Variants in SLC16A2 observed in about 807,000 individuals in gnomAD.
The protein encoded by SLC16A2 is monocarboxylate transporter 8.
In SLC16A2, 3 loss-of-function variants were observed where a neutral mutation model predicts 27.2. That is an observed-to-expected ratio of 0.11 (90% confidence interval 0.05 to 0.28). The LOEUF (loss-of-function observed/expected upper bound fraction) is 0.28. SLC16A2 is among the 10% of genes least tolerant of loss of function. The pLI is 1.00. For missense variants in SLC16A2, 295 were observed against 458.5 expected (o/e 0.64, Z 3.26); for synonymous variants, 202 against 187.8 (o/e 1.08, Z -0.62).
chrX:74,483,098 A>G (rs757523994), intron 1 of SLC16A2, among the ~76,000 whole-genome samples: 62 of 111,121 alleles, frequency 5.6e-4, no homozygotes, highest in Non-Finnish European at 9.1e-4. Context: ...GCCTAGTTCA[A>G]TGAAGCCTAT....
chrX:74,486,732 T>G (rs1008406271), intron 1 of SLC16A2, among the ~76,000 whole-genome samples: 8 of 112,377 alleles, frequency 7.1e-5, no homozygotes, highest in African/African-American at 2.6e-4. Context: ...ACCCCATTAC[T>G]GGGTATATAC....
intron 1 of SLC16A2, among the ~76,000 whole-genome samples, chrX:74,513,126 A>G (rs775916839): frequency 1.7e-4 from 19 of 112,129 alleles, no homozygotes; most frequent in Non-Finnish European, 3.4e-4. Context: ...TCAAAATCCA[A>G]GGATCTGTTG....
At chrX:74,428,407 C>A (rs112931797) in intron 1 of SLC16A2, among the ~76,000 whole-genome samples, 1 of 111,427 alleles carries the variant, frequency 9.0e-6, no homozygotes, top group South Asian at 3.8e-4. Flanking sequence ...ATTGGCTGTC[C>A]CAATCACATA....
At chrX:74,488,046 A>G (rs1222204568) in intron 1 of SLC16A2, among the ~76,000 whole-genome samples, 1 of 111,727 alleles carries the variant, frequency 9.0e-6, no homozygotes, top group Non-Finnish European at 1.9e-5. Flanking sequence ...TACTGGAGAG[A>G]GTTGAGATTA....
intron 1 of SLC16A2, among the ~76,000 whole-genome samples, chrX:74,464,513 A>T (rs1929215240): frequency 8.9e-6 from 1 of 112,110 alleles, no homozygotes; most frequent in Non-Finnish European, 1.9e-5. Flanking sequence ...TAAGACTTGT[A>T]TAAGGAGTTT....
chrX:74,498,379 T>A (rs1217380215), intron 1 of SLC16A2, among the ~76,000 whole-genome samples: 1 of 97,709 alleles, frequency 1.0e-5, no homozygotes, highest in Non-Finnish European at 2.2e-5. Context: ...GACTCAAGAC[T>A]CATGACCCAA....
At chrX:74,493,785 T>A (rs894412572) in intron 1 of SLC16A2, among the ~76,000 whole-genome samples, 2 of 111,390 alleles carry the variant, frequency 1.8e-5, no homozygotes, top group African/African-American at 6.5e-5. Context: ...GGTGCGTGCA[T>A]TCCCTCTCTG....
chrX:74,509,624 C>T (rs1400807397), intron 1 of SLC16A2, among the ~76,000 whole-genome samples: 19 of 111,052 alleles, frequency 1.7e-4, no homozygotes, highest in Admixed American at 1.0e-3. Flanking sequence ...AGTGCAGCGG[C>T]GCAATCTCGG....
chrX:74,461,266 CCTT>C (rs1410406302), intron 1 of SLC16A2, among the ~76,000 whole-genome samples: 2 of 111,809 alleles, frequency 1.8e-5, no homozygotes, highest in African/African-American at 6.5e-5. Context: ...CTCTCTGTAA[CCTT>C]CTCTTTCTGA....
chrX:74,429,197 G>C (rs753497895), intron 1 of SLC16A2, among the ~76,000 whole-genome samples: 4 of 111,713 alleles, frequency 3.6e-5, no homozygotes, highest in South Asian at 7.5e-4. Context: ...GCCAGGCCCA[G>C]TGGCTCAAGC....
intron 1 of SLC16A2, among the ~76,000 whole-genome samples, chrX:74,436,690 T>A (rs1193768533): frequency 3.6e-5 from 4 of 111,694 alleles, no homozygotes; most frequent in Non-Finnish European, 7.5e-5. Flanking sequence ...AGACTACAGC[T>A]CATGCATCTA....
intron 1 of SLC16A2, among the ~76,000 whole-genome samples, chrX:74,444,407 C>G (rs944690185): frequency 9.3e-6 from 1 of 107,378 alleles, no homozygotes; most frequent in Non-Finnish European, 1.9e-5. Context: ...CCTCTTCAAT[C>G]CTGGCTGTCC....
intron 1 of SLC16A2, among the ~76,000 whole-genome samples, chrX:74,427,814 C>T (rs111345330): frequency 4.2e-5 from 2 of 47,556 alleles, no homozygotes; most frequent in African/African-American, 1.8e-4. Context: ...CGCGCGCGCA[C>T]ACACACACAC....
intron 1 of SLC16A2, among the ~76,000 whole-genome samples, chrX:74,514,879 C>A (rs1475017359): frequency 8.9e-6 from 1 of 111,875 alleles, no homozygotes; most frequent in Admixed American, 9.5e-5. Context: ...GGATTTCCAC[C>A]CCCATTTGGT....
At chrX:74,467,293 G>A (rs2147850981) in intron 1 of SLC16A2, among the ~76,000 whole-genome samples, 1 of 111,829 alleles carries the variant, frequency 8.9e-6, no homozygotes, top group South Asian at 3.8e-4. Context: ...AGGCTACACA[G>A]CAGATTAGCA....
chrX:74,523,243 T>C (rs1930437038), intron 2 of SLC16A2, among the ~76,000 whole-genome samples: 1 of 112,078 alleles, frequency 8.9e-6, no homozygotes, highest in Admixed American at 9.4e-5. Context: ...CTTGCTCACG[T>C]CCAGTGAATA....
chrX:74,446,915 G>A (rs758633570), intron 1 of SLC16A2, among the ~76,000 whole-genome samples: 3 of 112,341 alleles, frequency 2.7e-5, no homozygotes, highest in Non-Finnish European at 3.8e-5. Context: ...TCTCAACTTA[G>A]GATTCTAAAG....
intron 1 of SLC16A2, among the ~76,000 whole-genome samples, chrX:74,456,808 C>A (rs485156): frequency 9.0e-6 from 1 of 110,632 alleles, no homozygotes; most frequent in African/African-American, 3.3e-5. Context: ...CCCTTCTGTC[C>A]GGTAAATTTC....
At chrX:74,528,740 C>T (rs1479592656) in intron 4 of SLC16A2, among the ~76,000 whole-genome samples, 5 of 112,084 alleles carry the variant, frequency 4.5e-5, no homozygotes, top group South Asian at 3.7e-4. Context: ...TTTCAAGAAG[C>T]TGTGCCTTCC....
Sources: gnomAD v4.1 joint callset for allele counts (sites outside exome capture counted in the v4.1 genomes callset) on GRCh38, gnomAD v4.1.1 for gene constraint, MANE v1.5 for transcripts, NCBI Gene and HGNC (gene_info 2026-07-23, HGNC 2026-07-21) for gene names.